The following NSMCE2 variants were observed in gnomAD, a reference collection of about 807,000 sequenced individuals.
The protein encoded by NSMCE2 is E3 SUMO-protein ligase NSE2.
NSMCE2 carries 24 observed loss-of-function variants against 23.8 expected under a neutral mutation model. That is an observed-to-expected ratio of 1.01 (90% CI 0.73 to 1.42). NSMCE2 has a LOEUF of 1.42. NSMCE2 is among the 40% of genes most tolerant of loss of function. The probability of loss-of-function intolerance (pLI) is 0.00; values close to 1 mark genes in which losing one functional copy is unlikely to be tolerated. For missense variants in NSMCE2, 284 were observed against 296.5 expected, an observed-to-expected ratio of 0.96 and a Z score of 0.31; for synonymous variants, 92 against 94.1, an observed-to-expected ratio of 0.98 and a Z score of 0.13.
intron 3 of NSMCE2, among the ~76,000 whole-genome samples, chr8:125,118,223 C>G (rs1429743252): frequency 6.6e-6 from 1 of 152,048 alleles, no homozygotes; most frequent in Non-Finnish European, 1.5e-5. Context: ...GCACACGCCT[C>G]TAGTCCCAGC....
Position 125,252,862 on chromosome 8 carries a change from G to A in NSMCE2, c.418+70606G>A, listed in dbSNP as rs114008470. Among the ~76,000 whole-genome samples the A allele has an allele frequency of 4.7e-3, 722 of 152,314 alleles. 10 individuals carry two copies. Among genetic ancestry groups the A allele is most frequent in the African/African-American group, 0.017 (694 of 41,572 alleles). ...TTCCGGAGTTAAGAGCGCAAGCTCC[G>A]GAAAGAGCCAAGGTTATTTAAAGTG... On this transcript the variant is annotated intron_variant, in intron 5 of 7. Coordinates refer to ENST00000287437, the MANE Select transcript of NSMCE2 (RefSeq NM_173685.4).
chr8:125,205,179 A>T (rs1213695576), intron 5 of NSMCE2, among the ~76,000 whole-genome samples: 1 of 152,188 alleles, frequency 6.6e-6, no homozygotes, highest in Non-Finnish European at 1.5e-5. Flanking sequence ...TTCTGCCTCA[A>T]TGCAGAAATC....
At chr8:125,330,221 G>A (rs1337874251) in intron 5 of NSMCE2, among the ~76,000 whole-genome samples, 5 of 137,660 alleles carry the variant, frequency 3.6e-5, no homozygotes, top group African/African-American at 1.3e-4. Context: ...CTGTCACCCA[G>A]GCTGGAGTGC....
At chr8:125,277,063 A>G (rs972085671) in intron 5 of NSMCE2, among the ~76,000 whole-genome samples, 2 of 152,186 alleles carry the variant, frequency 1.3e-5, no homozygotes, top group South Asian at 4.1e-4. Flanking sequence ...CCTGTACTCA[A>G]GTCCTATTTC....
chr8:125,196,799 C>G (rs922846235), intron 5 of NSMCE2, among the ~76,000 whole-genome samples: 1 of 152,220 alleles, frequency 6.6e-6, no homozygotes, highest in African/African-American at 2.4e-5. Context: ...AGTGGTTGAA[C>G]TAATTTACAC....
rs972365289 is a variant in NSMCE2, at chr8:125,146,865, G to A, written c.158-4306G>A. Among the ~76,000 whole-genome samples, 6 of 151,980 alleles carry A rather than the reference G, an allele frequency of 3.9e-5. No individual in the cohort carries two copies. The East Asian group carries it at 1.2e-3, about 29-fold the overall frequency. On this transcript the variant is annotated intron_variant, in intron 3 of 7. Coordinates refer to ENST00000287437, the MANE Select transcript of NSMCE2 (RefSeq NM_173685.4). ...TACATATGTAACAGACCTGCATGTTGTGCACATGTACCCTAAAACTTAAAG... is the reference window on the plus strand; with the variant it reads ...TACATATGTAACAGACCTGCATGTTATGCACATGTACCCTAAAACTTAAAG...
chr8:125,097,558 G>A (rs1211597988), intron 1 of NSMCE2, among the ~76,000 whole-genome samples: 1 of 151,974 alleles, frequency 6.6e-6, no homozygotes, highest in African/African-American at 2.4e-5. Flanking sequence ...ACCTTTTATG[G>A]TCCAGCTTAA....
intron 5 of NSMCE2, among the ~76,000 whole-genome samples, chr8:125,334,521 G>A (rs1311761399): frequency 3.3e-5 from 5 of 152,180 alleles, no homozygotes; most frequent in Non-Finnish European, 5.9e-5. Context: ...CACATGGCAC[G>A]TTGAGAGCGG....
At chr8:125,117,809 C>G (rs115581197) in intron 3 of NSMCE2, among the ~76,000 whole-genome samples, 2 of 152,146 alleles carry the variant, frequency 1.3e-5, no homozygotes, top group Admixed American at 1.3e-4. Context: ...TCTTCAGAGT[C>G]TGGGACTTTA....
At chr8:125,271,512 C>T (rs2131088116) in intron 5 of NSMCE2, among the ~76,000 whole-genome samples, 1 of 152,252 alleles carries the variant, frequency 6.6e-6, no homozygotes, top group Admixed American at 6.5e-5. Context: ...TGATGTCAGC[C>T]TTTGGTTATC....
At position 125,281,446 on chromosome 8, in the gene NSMCE2, A is replaced by AT. The variant is rs564149517; in HGVS notation, c.419-75763dup. 1.0e-3 allele frequency among the ~76,000 whole-genome samples: 153 copies of AT among 150,482 alleles called. 1 individual carries two copies. The highest frequency in any genetic ancestry group is 3.0e-3 in the African/African-American group (122 of 41,050). On this transcript the variant is annotated intron_variant, in intron 5 of 7. Transcript: ENST00000287437. Reference sequence around the variant, plus strand: ...GATCACTGGGTGTATCGAGAGGGTGATTTTTTTTTTCTAGAGAGGGTCTTG... The same window carrying AT: ...GATCACTGGGTGTATCGAGAGGGTGATTTTTTTTTTTCTAGAGAGGGTCTTG...
intron 1 of NSMCE2, among the ~76,000 whole-genome samples, chr8:125,097,472 T>A (rs890779123): frequency 6.6e-6 from 1 of 152,180 alleles, no homozygotes; most frequent in Admixed American, 6.5e-5. Flanking sequence ...TACTACCTTA[T>A]GATCTTTTTT....
chr8:125,269,575 C>T (rs1666937142), intron 5 of NSMCE2, among the ~76,000 whole-genome samples: 1 of 152,150 alleles, frequency 6.6e-6, no homozygotes. Context: ...TTTTTTACAG[C>T]AGGGGTCTGA....
At chr8:125,335,542 G>A (rs1001337713) in intron 5 of NSMCE2, among the ~76,000 whole-genome samples, 1 of 152,204 alleles carries the variant, frequency 6.6e-6, no homozygotes, top group African/African-American at 2.4e-5. Context: ...AGCCAGCCAG[G>A]AGGTAACTAA....
At chr8:125,252,316 A>G (rs367547618) in intron 5 of NSMCE2, among the ~76,000 whole-genome samples, 6 of 152,124 alleles carry the variant, frequency 3.9e-5, no homozygotes, top group Non-Finnish European at 5.9e-5. Flanking sequence ...ATCACAAGGT[A>G]AGGAGATTGA....
intron 5 of NSMCE2, among the ~76,000 whole-genome samples, chr8:125,323,192 G>A (rs766858005): frequency 6.6e-6 from 1 of 152,168 alleles, no homozygotes; most frequent in Non-Finnish European, 1.5e-5. Flanking sequence ...TAATGAATTC[G>A]AAAACTCAAT....
intron 5 of NSMCE2, among the ~76,000 whole-genome samples, chr8:125,300,839 A>T (rs1828532690): frequency 6.6e-6 from 1 of 152,136 alleles, no homozygotes. Flanking sequence ...ACTGAGATGA[A>T]TGTTAAAAGA....
chr8:125,239,129 A>G lies in NSMCE2; in HGVS notation c.418+56873A>G, dbSNP rs16900464. On this transcript the variant is annotated intron_variant, in intron 5 of 7. Coordinates refer to ENST00000287437, the MANE Select transcript of NSMCE2 (RefSeq NM_173685.4). ...CATCCCATTTGGCAAGGTTGGTTTCATGGACTGAGCCACTCTGGATGTAAG... is the reference window on the plus strand; with the variant it reads ...CATCCCATTTGGCAAGGTTGGTTTCGTGGACTGAGCCACTCTGGATGTAAG... Among the ~76,000 whole-genome samples, 747 of 152,268 alleles carry G rather than the reference A, an allele frequency of 4.9e-3. 7 individuals carry two copies. Among genetic ancestry groups the G allele is most frequent in the African/African-American group, 0.017 (709 of 41,560 alleles).
Position 125,357,258 on chromosome 8 carries a change from G to A in NSMCE2, c.458G>A (p.Gly153Glu). 6.2e-7 allele frequency: 1 copy of A among 1,613,868 alleles called. No homozygotes were observed. The highest frequency in any genetic ancestry group is 1.1e-5 in the South Asian group (1 of 91,080). ...GACAGAGAAGCTGACGGAACAGAAGGAGTGGATGAAGATATAATTGTGACC... is the reference window on the plus strand; with the variant it reads ...GACAGAGAAGCTGACGGAACAGAAGAAGTGGATGAAGATATAATTGTGACC... ...QADREADGTEGVDEDIIVTQS... is the reference protein window; with the variant it reads ...QADREADGTEEVDEDIIVTQS... Residue 153 changes from glycine (G) to glutamate (E), a missense_variant, in exon 6 of 8, where the codon GGA (glycine) becomes GAA (glutamate). This residue lies in a region of NSMCE2 where 102 missense variants were observed against 141.0 expected (regional missense o/e 0.72). Transcript: ENST00000287437.
Sources: allele counts gnomAD v4.1 joint callset (sites outside exome capture counted in the v4.1 genomes callset), GRCh38; gene constraint gnomAD v4.1.1; regional missense constraint gnomAD v4.1.1; transcripts MANE v1.5; gene names NCBI Gene and HGNC (gene_info 2026-07-23, HGNC 2026-07-21).